Variants in ZNF713 observed in about 807,000 individuals in gnomAD.
The protein encoded by ZNF713 is zinc finger protein 713.
Under a neutral mutation model 28.7 loss-of-function variants are expected in ZNF713, and 21 were observed. The ratio of observed to expected loss-of-function variants is 0.73; its 90% CI spans 0.52 to 1.05. ZNF713 has a LOEUF of 1.05. ZNF713 is among the 50% of genes least tolerant of loss of function. The pLI is 0.00. For missense variants in ZNF713, 458 were observed against 532.4 expected (o/e 0.86, Z 1.37); for synonymous variants, 167 against 178.0 (o/e 0.94, Z 0.49).
In ZNF713 at chr7:55,939,732, G is replaced by A. The variant is rs143509812; in HGVS notation, c.1058G>A (p.Arg353His). 35 of 1,613,950 alleles carry A rather than the reference G, an allele frequency of 2.2e-5. No individual in the cohort carries two copies. Among genetic ancestry groups the A allele is most frequent in the African/African-American group, 9.3e-5 (7 of 74,906 alleles). Residue 353 changes from arginine to histidine, a missense_variant, in exon 7 of 7, where the codon CGC becomes CAC. Physicochemically the swap from Arg to His is conservative, Grantham distance 29. Coordinates refer to ENST00000429591, the MANE Select transcript of ZNF713 (RefSeq NM_182633.3). ...KCNQCGKAFSRITSLTEHHRL... is the reference protein window; with the variant it reads ...KCNQCGKAFSHITSLTEHHRL... Reference sequence around the variant, plus strand: ...AATCAATGTGGTAAAGCTTTTAGCCGCATCACATCCCTTACTGAACATCAT... The same window carrying A: ...AATCAATGTGGTAAAGCTTTTAGCCACATCACATCCCTTACTGAACATCAT...
At chr7:55,896,546 G>A (rs1785474862) in intron 1 of ZNF713, among the ~76,000 whole-genome samples, 1 of 151,632 alleles carries the variant, frequency 6.6e-6, no homozygotes, top group Non-Finnish European at 1.5e-5. Context: ...TATTAGATTG[G>A]AATCAGATAT....
Position 55,923,207 on chromosome 7 carries a change from G to C in ZNF713, c.133G>C (p.Glu45Gln). 1 of 1,613,838 alleles carries C rather than the reference G, an allele frequency of 6.2e-7. No individual in the cohort carries two copies. Among genetic ancestry groups the C allele is most frequent in the Non-Finnish European group, 8.5e-7 (1 of 1,179,898 alleles). ...QDVAVDFTRE[E>Q]WDQLYPAQKN... ...TGTGGCCGTGGACTTCACCAGAGAG[G>C]AGTGGGACCAGCTGTACCCTGCCCA... Residue 45 changes from glutamate to glutamine, a missense_variant, in exon 5 of 7, where the codon GAG becomes CAG. By Grantham distance (29) the Glu-to-Gln change is conservative. Transcript: ENST00000429591.
intron 1 of ZNF713, among the ~76,000 whole-genome samples, chr7:55,897,810 A>G (rs934533820): frequency 5.3e-5 from 8 of 152,198 alleles, no homozygotes; most frequent in African/African-American, 1.7e-4. Flanking sequence ...CATAGTAGAC[A>G]TATTGACATT....
intron 6 of ZNF713, among the ~76,000 whole-genome samples, chr7:55,925,530 A>G (rs910874223): frequency 1.3e-5 from 2 of 152,152 alleles, no homozygotes; most frequent in African/African-American, 2.4e-5. Context: ...CTGAAGCAAG[A>G]TAATCGCTTG....
intron 1 of ZNF713, among the ~76,000 whole-genome samples, chr7:55,897,460 T>C (rs958854599): frequency 1.3e-5 from 2 of 152,092 alleles, no homozygotes; most frequent in Admixed American, 1.3e-4. Flanking sequence ...TTTCTTTTTT[T>C]TTCATAGTGA....
rs761591727 is a variant in ZNF713 at position 55,939,945 on chromosome 7, A to C, written c.1271A>C (p.Lys424Thr). 1.9e-6 allele frequency: 3 copies of C among 1,612,870 alleles called. No homozygotes were observed. The Admixed American group carries it at 5.0e-5, about 27-fold the overall frequency. Residue 424 changes from lysine to threonine, a missense_variant, in exon 7 of 7, where the codon AAA becomes ACA. Transcript: ENST00000429591. ...NQHRKIHTRE[K>T]LCEYKCEQTV... is the part of the protein sequence containing the mutation. ...CACAGGAAAATCCATACTCGGGAGA[A>C]ATTATGTGAATATAAATGTGAGCAA...
intron 2 of ZNF713, among the ~76,000 whole-genome samples, chr7:55,907,948 A>G (rs1785711265): frequency 6.6e-6 from 1 of 151,922 alleles, no homozygotes; most frequent in Admixed American, 6.6e-5. Context: ...TTTATATATA[A>G]TAATTTATTT....
chr7:55,896,663 G>GTA (rs145355782), intron 1 of ZNF713, among the ~76,000 whole-genome samples: 41 of 151,090 alleles, frequency 2.7e-4, no homozygotes, highest in East Asian at 3.9e-4. Context: ...TGGTTAGTGT[G>GTA]TATATATATA....
At chr7:55,897,376 C>G (rs894405615) in intron 1 of ZNF713, among the ~76,000 whole-genome samples, 1 of 151,868 alleles carries the variant, frequency 6.6e-6, no homozygotes, top group Non-Finnish European at 1.5e-5. Context: ...ACCTTCCAGG[C>G]TCAAGCAACC....
intron 4 of ZNF713, among the ~76,000 whole-genome samples, chr7:55,922,115 C>G (rs867643121): frequency 2.6e-5 from 4 of 151,890 alleles, no homozygotes; most frequent in Non-Finnish European, 5.9e-5. Flanking sequence ...TCAGTAGAGA[C>G]GGGGTTTCAC....
At chr7:55,903,794 G>C (rs1785623905) in intron 1 of ZNF713, among the ~76,000 whole-genome samples, 1 of 152,052 alleles carries the variant, frequency 6.6e-6, no homozygotes. Context: ...GGTGGATGGA[G>C]GGCACATGGC....
At chr7:55,887,824 C>A (rs1305531897) in intron 1 of ZNF713, 144 bp downstream of exon 1, 5 of 1,448 alleles carry the variant, frequency 3.5e-3, no homozygotes, top group African/African-American at 9.2e-3. Flanking sequence ...CGGCGGGCGG[C>A]GGGCGGCGGG....
At chr7:55,927,654 T>C (rs1277858511) in intron 6 of ZNF713, among the ~76,000 whole-genome samples, 1 of 151,754 alleles carries the variant, frequency 6.6e-6, no homozygotes, top group East Asian at 1.9e-4. Flanking sequence ...CCCAGCACTT[T>C]GGGAGGCCGA....
intron 6 of ZNF713, among the ~76,000 whole-genome samples, chr7:55,927,482 C>T (rs1269583234): frequency 4.6e-5 from 7 of 151,980 alleles, no homozygotes; most frequent in Non-Finnish European, 1.0e-4. Context: ...ACGATGGCAC[C>T]ACTGCACTCC....
chr7:55,934,871 G>A (rs1786312880), intron 6 of ZNF713, among the ~76,000 whole-genome samples: 1 of 150,078 alleles, frequency 6.7e-6, no homozygotes, highest in South Asian at 2.1e-4. Flanking sequence ...CAAACCCTAT[G>A]ATCTGGCATT....
chr7:55,903,572 C>T (rs918950906), intron 1 of ZNF713, among the ~76,000 whole-genome samples: 12 of 149,162 alleles, frequency 8.0e-5, no homozygotes, highest in African/African-American at 1.2e-4. Flanking sequence ...GAGGCTGAGG[C>T]GGGAGAATCG....
At chr7:55,918,998 GA>G (rs1785935605) in intron 4 of ZNF713, among the ~76,000 whole-genome samples, 1 of 137,992 alleles carries the variant, frequency 7.2e-6, no homozygotes, top group African/African-American at 2.7e-5. Context: ...TGCCTCAAAA[GA>G]AAGAAAAAAA....
chr7:55,896,637 G>C (rs1179501191), intron 1 of ZNF713, among the ~76,000 whole-genome samples: 1 of 150,916 alleles, frequency 6.6e-6, no homozygotes, highest in Non-Finnish European at 1.5e-5. Context: ...ACACATAATT[G>C]ATGTGTGTAT....
At chr7:55,916,448 A>T (rs1483210705) in intron 4 of ZNF713, among the ~76,000 whole-genome samples, 1 of 152,180 alleles carries the variant, frequency 6.6e-6, no homozygotes, top group Non-Finnish European at 1.5e-5. Context: ...GAACCCTTAC[A>T]CTACTTTACT....
Sources: allele counts gnomAD v4.1 joint callset (sites outside exome capture counted in the v4.1 genomes callset), GRCh38; gene constraint gnomAD v4.1.1; transcripts MANE v1.5; gene names NCBI Gene and HGNC (gene_info 2026-07-23, HGNC 2026-07-21).